The following BRAP variants were observed in gnomAD, a reference collection of about 807,000 sequenced individuals.
BRAP encodes the protein BRCA1-associated protein.
In BRAP, 42 loss-of-function variants were observed where a neutral mutation model predicts 73.4. That is an observed-to-expected ratio of 0.57 (90% CI 0.45 to 0.74). The LOEUF is 0.74. Among genes scored for constraint, BRAP ranks in the 30% least tolerant of loss-of-function variants. BRAP has a pLI of 0.00. For synonymous variants in BRAP, 255 were observed against 267.4 expected (o/e 0.95, Z 0.45); for missense variants, 593 against 751.4 (o/e 0.79, Z 2.46).
chr12:111,658,756 T>C lies in BRAP; in HGVS notation c.1201A>G (p.Ile401Val), dbSNP rs1198598997. 1 of 1,604,994 alleles carries C rather than the reference T, an allele frequency of 6.2e-7. No individual in the cohort carries two copies. The highest frequency in any genetic ancestry group is 8.5e-7 in the Non-Finnish European group (1 of 1,172,010). ...CTTACCTCTAACTGTAAGGCATCTA[T>C]TTTCTCTTCCTGGCAAGTATCCCCC... The part of the protein sequence containing the change: ...CEGDTCQEEK[I>V]DALQLEYSYL... Residue 401 changes from isoleucine (I) to valine (V), a missense_variant, in exon 9 of 12, where the codon ATA (isoleucine) becomes GTA (valine). This residue lies in a region of BRAP where 143 missense variants were observed against 190.4 expected (regional missense o/e 0.75). Coordinates refer to ENST00000419234, the MANE Select transcript of BRAP (RefSeq NM_006768.5).
In BRAP at chr12:111,681,624, A is replaced by T. The variant is rs1377992526; in HGVS notation, c.443+13T>A. ...AAAATTGACTAACCCCCAAGAAAAG[A>T]GGGTTTTCTTACTTTGTCTTATATA... is the stretch of plus-strand genomic sequence containing the variant. On this transcript the variant is annotated intron_variant, in intron 3 of 11. Coordinates refer to ENST00000419234, the MANE Select transcript of BRAP (RefSeq NM_006768.5). The T allele has an allele frequency of 6.1e-6, 9 of 1,475,110 alleles. No individual in the cohort carries two copies. The highest frequency in any genetic ancestry group is 8.4e-6 in the Non-Finnish European group (9 of 1,075,452). The allele number at this position is 1,475,110 out of a possible 1,614,324, so 91.4% of individuals were successfully genotyped here.
rs1337087422 is a variant in BRAP at position 111,654,504 on chromosome 12, T to C, written c.1311+1062A>G. Reference sequence around the variant, plus strand: ...CCAGTTTCTGCATTTTCAGTAGAGATTGGGTTTCGCCATGTTGGCCAGGCT... The same window carrying C: ...CCAGTTTCTGCATTTTCAGTAGAGACTGGGTTTCGCCATGTTGGCCAGGCT... On this transcript the variant is annotated intron_variant, in intron 10 of 11. Transcript: ENST00000419234. 3.3e-5 allele frequency among the ~76,000 whole-genome samples: 5 copies of C among 151,902 alleles called. No individual in the cohort carries two copies. In the South Asian group the frequency reaches 6.2e-4, roughly 19 times the overall value.
rs889240272 is a variant in BRAP, at chr12:111,685,875, G to A, written c.-83C>T. ...CCGAGAGGCCGAGCGGCCCGGGGCC[G>A]GCAGCGCCGCCACCACCTCAATGCA... On this transcript the variant is annotated 5_prime_UTR_variant, in exon 1 of 12. Coordinates refer to ENST00000419234, the MANE Select transcript of BRAP (RefSeq NM_006768.5). 1.4e-5 allele frequency: 14 copies of A among 993,598 alleles called. No individual in the cohort carries two copies. Among genetic ancestry groups the A allele is most frequent in the Non-Finnish European group, 1.8e-5 (13 of 742,126 alleles). The allele number at this position is 993,598 out of a possible 1,614,324, so 61.5% of individuals were successfully genotyped here. A position where few individuals can be genotyped will look rare whatever the true frequency, so the allele number is the denominator to read the frequency against.
intron 10 of BRAP, among the ~76,000 whole-genome samples, chr12:111,650,838 G>A (rs888715134): frequency 1.3e-5 from 2 of 152,024 alleles, no homozygotes; most frequent in African/African-American, 4.8e-5. Flanking sequence ...ATGTTCTTTT[G>A]AGTCTATTTA....
chr12:111,674,247 C>A (rs375504580), intron 4 of BRAP, among the ~76,000 whole-genome samples: 4 of 151,926 alleles, frequency 2.6e-5, no homozygotes, highest in South Asian at 2.1e-4. Context: ...GCTTCCCCCC[C>A]ACCTTTTTTT....
intron 6 of BRAP, among the ~76,000 whole-genome samples, chr12:111,661,235 C>T (rs1165150346): frequency 6.6e-6 from 1 of 151,370 alleles, no homozygotes; most frequent in Non-Finnish European, 1.5e-5. Context: ...GCCTTGGCCT[C>T]CCAAAGTGCT....
At chr12:111,669,858 C>T (rs1887101785) in intron 5 of BRAP, 4 of 642,728 alleles carry the variant, frequency 6.2e-6, no homozygotes, top group Non-Finnish European at 1.1e-5. Flanking sequence ...GTTTAATTGT[C>T]TTGGTCATTG....
chr12:111,669,878 A>G (rs1226248346), intron 5 of BRAP: 5 of 647,870 alleles, frequency 7.7e-6, no homozygotes, highest in Non-Finnish European at 1.4e-5. Context: ...GACATTTCCA[A>G]CATAAGATTT....
At chr12:111,670,106 A>G in intron 5 of BRAP, 1 of 619,072 alleles carries the variant, frequency 1.6e-6, no homozygotes. Flanking sequence ...CTTTTGGCTT[A>G]TTTGATCCAA....
chr12:111,644,203 T>C lies in BRAP; in HGVS notation c.1775A>G (p.Lys592Arg), dbSNP rs772977407. 3.1e-5 allele frequency: 50 copies of C among 1,609,336 alleles called. No homozygotes were observed. Among genetic ancestry groups the C allele is most frequent in the Non-Finnish European group, 4.2e-5 (49 of 1,179,364 alleles). Residue 592 changes from lysine to arginine, a missense_variant, in exon 12 of 12, where the codon AAG (lysine) becomes AGG (arginine). By Grantham distance (26) the Lys-to-Arg change is conservative. Transcript: ENST00000419234. The part of the protein sequence containing the change: ...PSRKGRSKRG[K>R] ...GGATGTCTGTTGCTCTGAAGGTCAC[T>C]TGCCCCTCTTGCTGCGGCCCTTCCT...
chr12:111,681,881 T>C (rs770720601), intron 2 of BRAP, 46 bp from the exon 3 acceptor site: 4 of 1,515,140 alleles, frequency 2.6e-6, no homozygotes, highest in Middle Eastern at 1.8e-4. Context: ...ATAGGACATA[T>C]GCTGAAGGAT....
intron 5 of BRAP, among the ~76,000 whole-genome samples, chr12:111,668,292 G>A (rs112326163): frequency 6.6e-6 from 1 of 152,008 alleles, no homozygotes; most frequent in Admixed American, 6.6e-5. Flanking sequence ...CTCAGACAAA[G>A]TTACAGAAAG....
rs1886035957 is a variant in BRAP, at chr12:111,644,574, CAAAG to C, written c.1416-16_1416-13del. ...TTAGCTGAGTGCACCTTTTGAAAAA[CAAAG>C]GAAGACAAAAGCACATTTTTCATTT... On this transcript the variant is annotated splice_polypyrimidine_tract_variant and intron_variant, in intron 11 of 11. Coordinates refer to ENST00000419234, the MANE Select transcript of BRAP (RefSeq NM_006768.5). 2.5e-6 allele frequency: 4 copies of C among 1,607,724 alleles called. No homozygotes were observed. Among genetic ancestry groups the C allele is most frequent in the African/African-American group, 1.3e-5 (1 of 74,816 alleles).
intron 9 of BRAP, 117 bp from the exon 10 acceptor site, chr12:111,655,772 T>A: frequency 2.6e-6 from 2 of 780,228 alleles, no homozygotes; most frequent in Non-Finnish European, 4.3e-6. Context: ...CAACAGAATG[T>A]ATATTTACGC....
chr12:111,677,754 G>C (rs1887439566), intron 4 of BRAP, among the ~76,000 whole-genome samples: 1 of 152,168 alleles, frequency 6.6e-6, no homozygotes, highest in Non-Finnish European at 1.5e-5. Context: ...GACAGTGAAA[G>C]GAGCTATTCA....
intron 6 of BRAP, among the ~76,000 whole-genome samples, chr12:111,661,169 G>A (rs953314675): frequency 4.6e-5 from 7 of 150,952 alleles, no homozygotes; most frequent in African/African-American, 7.3e-5. Context: ...TGGTAGAGAC[G>A]GGGCTTCACC....
At chr12:111,654,385 G>C (rs1032247181) in intron 10 of BRAP, among the ~76,000 whole-genome samples, 2 of 150,526 alleles carry the variant, frequency 1.3e-5, no homozygotes, top group African/African-American at 4.9e-5. Flanking sequence ...GTGCAATCTT[G>C]GTTCACTGCA....
Position 111,644,307 on chromosome 12 carries a change from G to A in BRAP, c.1671C>T (p.Ile557=). Residue 557 remains isoleucine (I), a synonymous_variant, in exon 12 of 12, where the codon ATC becomes ATT. Coordinates refer to ENST00000419234, the MANE Select transcript of BRAP (RefSeq NM_006768.5). ...TGGCGATGTTGATCTGTCCCTCCTG[G>A]ATTTCCTGCCGGGTCTCGGCAGGCA... ...NHLPAETRQE[I]QEGQINIAMA... 1 of 1,614,060 alleles carries A rather than the reference G, an allele frequency of 6.2e-7. No homozygotes were observed. Among genetic ancestry groups the A allele is most frequent in the Non-Finnish European group, 8.5e-7 (1 of 1,180,034 alleles).
chr12:111,650,166 G>A (rs1886263916), intron 10 of BRAP, 124 bp from the exon 11 acceptor site: 3 of 496,350 alleles, frequency 6.0e-6, no homozygotes, highest in South Asian at 4.7e-5. Context: ...AATTAGAGAA[G>A]GTGAGATATG....
Sources: allele counts gnomAD v4.1 joint callset (sites outside exome capture counted in the v4.1 genomes callset), GRCh38; gene constraint gnomAD v4.1.1; regional missense constraint gnomAD v4.1.1; transcripts MANE v1.5; gene names NCBI Gene and HGNC (gene_info 2026-07-23, HGNC 2026-07-21).